The following TMCO5A variants were observed in gnomAD, a reference collection of about 807,000 sequenced individuals.
TMCO5A encodes transmembrane and coiled-coil domain-containing protein 5A.
TMCO5A carries 34 observed loss-of-function variants against 42.3 expected under a neutral mutation model. That is an observed-to-expected ratio of 0.80 (90% CI 0.61 to 1.07). TMCO5A has a LOEUF of 1.07. TMCO5A is among the 50% of genes least tolerant of loss of function. TMCO5A has a pLI of 0.00. For synonymous variants in TMCO5A, 131 were observed against 115.6 expected, an observed-to-expected ratio of 1.13 and a Z score of -0.86; for missense variants, 357 against 327.9, an observed-to-expected ratio of 1.09 and a Z score of -0.69.
At chr15:37,943,134 T>C (rs1889810647) in intron 9 of TMCO5A, 6 of 424,262 alleles carry the variant, frequency 1.4e-5, no homozygotes, top group East Asian at 4.0e-5. Context: ...TAAAACTAAC[T>C]ACATATGGCA....
At chr15:38,003,008 C>G in the TMCO5A span, among the ~76,000 whole-genome samples, 1 of 152,114 alleles carries the variant, frequency 6.6e-6, no homozygotes, top group Non-Finnish European at 1.5e-5. Flanking sequence ...GGAAGGCTTT[C>G]CGAGTCCCTT....
chr15:37,965,336 C>A (rs897800429), intron 11 of TMCO5A, among the ~76,000 whole-genome samples: 2 of 152,082 alleles, frequency 1.3e-5, no homozygotes, highest in African/African-American at 4.8e-5. Flanking sequence ...GAGAAACTCT[C>A]CAGTACATTG....
chr15:38,020,231 G>T, the TMCO5A span: 1 of 151,946 alleles, frequency 6.6e-6, no homozygotes, highest in African/African-American at 2.4e-5. Context: ...GGTCTTGAGA[G>T]CTTCAGTTTT....
At chr15:37,974,213 T>G in the TMCO5A span, among the ~76,000 whole-genome samples, 4 of 152,318 alleles carry the variant, frequency 2.6e-5, no homozygotes, top group South Asian at 2.1e-4. Flanking sequence ...AATATTCTCC[T>G]GAGGCTTTCC....
chr15:38,024,371 T>C, the TMCO5A span, among the ~76,000 whole-genome samples: 1 of 152,092 alleles, frequency 6.6e-6, no homozygotes, highest in Non-Finnish European at 1.5e-5. Context: ...CTAATTAAAG[T>C]AACATGCAAA....
At chr15:37,971,993 G>A (rs973669699), downstream of TMCO5A, among the ~76,000 whole-genome samples, 1 of 152,134 alleles carries the variant, frequency 6.6e-6, no homozygotes, top group Non-Finnish European at 1.5e-5. Flanking sequence ...TTCCAAAGTT[G>A]CTTCTACATT....
chr15:37,938,675 C>A (rs1329731887), intron 6 of TMCO5A, among the ~76,000 whole-genome samples: 2 of 152,034 alleles, frequency 1.3e-5, no homozygotes, highest in Non-Finnish European at 2.9e-5. Flanking sequence ...TGCTGAGGTG[C>A]ATGTATGAAT....
At chr15:37,991,803 T>C in the TMCO5A span, among the ~76,000 whole-genome samples, 2 of 152,140 alleles carry the variant, frequency 1.3e-5, no homozygotes, top group African/African-American at 2.4e-5. Flanking sequence ...TGGCTAGCCA[T>C]ATGCAGAAGA....
chr15:37,988,720 T>G, the TMCO5A span, among the ~76,000 whole-genome samples: 1 of 152,072 alleles, frequency 6.6e-6, no homozygotes, highest in African/African-American at 2.4e-5. Flanking sequence ...GTGTATAATC[T>G]CTTTAATATG....
intron 6 of TMCO5A, among the ~76,000 whole-genome samples, chr15:37,939,728 T>A (rs1381229056): frequency 6.6e-6 from 1 of 152,072 alleles, no homozygotes; most frequent in African/African-American, 2.4e-5. Context: ...ATGTACAGAA[T>A]CTCTTTTGCT....
chr15:37,994,513 C>G, the TMCO5A span: 1 of 152,216 alleles, frequency 6.6e-6, no homozygotes, highest in Admixed American at 6.5e-5. Context: ...ACTAAATATA[C>G]GACTTGATAG....
intron 7 of TMCO5A, 75 bp from the exon 8 acceptor site, chr15:37,941,596 A>G: frequency 1.8e-6 from 2 of 1,109,790 alleles, no homozygotes; most frequent in East Asian, 4.7e-5. Context: ...CCTGGGACCC[A>G]AGAGAAAACA....
rs150788607 is a variant in TMCO5A, at chr15:37,936,393, A to G, written c.70A>G (p.Thr24Ala). ...ISLNMDLERD[T>A]QRIDEANQKL... ...TTTGAACATGGACCTTGAAAGGGAT[A>G]CGCAGAGAATAGATGAAGCAAATCA... Residue 24 changes from threonine (T) to alanine (A), a missense_variant, in exon 3 of 12, where the codon ACG (threonine) becomes GCG (alanine). Thr to Ala is a moderately conservative substitution (Grantham distance 58). Coordinates refer to ENST00000319669, the MANE Select transcript of TMCO5A (RefSeq NM_152453.4). 5 of 1,613,262 alleles carry G rather than the reference A, an allele frequency of 3.1e-6. No homozygotes were observed. The highest frequency in any genetic ancestry group is 3.4e-6 in the Non-Finnish European group (4 of 1,179,458).
the TMCO5A span, among the ~76,000 whole-genome samples, chr15:37,988,235 A>C: frequency 1.7e-3 from 266 of 152,058 alleles, no homozygotes; most frequent in African/African-American, 6.1e-3. Context: ...TATTTTAACA[A>C]TTTTATTAGG....
At chr15:38,003,197 C>T in the TMCO5A span, among the ~76,000 whole-genome samples, 2 of 147,338 alleles carry the variant, frequency 1.4e-5, no homozygotes, top group Non-Finnish European at 3.0e-5. Context: ...CCCTTGTTCT[C>T]TTCCCTGACT....
the TMCO5A span, among the ~76,000 whole-genome samples, chr15:37,985,243 G>A: frequency 1.3e-5 from 2 of 152,070 alleles, no homozygotes; most frequent in African/African-American, 4.8e-5. Context: ...CACACAAGAG[G>A]CAAACCATGT....
At chr15:37,966,021 A>G (rs1405238381) in intron 11 of TMCO5A, among the ~76,000 whole-genome samples, 1 of 152,076 alleles carries the variant, frequency 6.6e-6, no homozygotes, top group African/African-American at 2.4e-5. Context: ...CCATCAACAG[A>G]TGAATGAATA....
chr15:38,007,719 G>A, the TMCO5A span, among the ~76,000 whole-genome samples: 2 of 152,014 alleles, frequency 1.3e-5, no homozygotes, highest in Non-Finnish European at 2.9e-5. Flanking sequence ...AGTGCCATGA[G>A]TAACTAGAGG....
At chr15:38,018,960 C>A in the TMCO5A span, among the ~76,000 whole-genome samples, 1 of 151,964 alleles carries the variant, frequency 6.6e-6, no homozygotes, top group African/African-American at 2.4e-5. Context: ...GTAGTTTAAA[C>A]CTTAAATTCA....
Sources: gnomAD v4.1 joint callset for allele counts (sites outside exome capture counted in the v4.1 genomes callset) on GRCh38, gnomAD v4.1.1 for gene constraint, MANE v1.5 for transcripts, NCBI Gene and HGNC (gene_info 2026-07-23, HGNC 2026-07-21) for gene names.